LAT2: variants seen among roughly 807,000 people sequenced by gnomAD.
The protein encoded by LAT2 is linker for activation of T cells family member 2.
In LAT2, 23 loss-of-function variants were observed where a neutral mutation model predicts 43.4. That is an observed-to-expected ratio of 0.53 (90% confidence interval 0.38 to 0.75). The LOEUF is 0.75. Ranked by LOEUF, LAT2 falls within the 30% of genes least tolerant of loss-of-function variation. The pLI, the probability that LAT2 is intolerant of heterozygous loss-of-function variation, is 0.00. For missense variants in LAT2, 284 were observed against 310.2 expected, an observed-to-expected ratio of 0.92 and a Z score of 0.64; for synonymous variants, 128 against 123.2, an observed-to-expected ratio of 1.04 and a Z score of -0.26.
chr7:74,217,847 C>T (rs567544038), intron 4 of LAT2, among the ~76,000 whole-genome samples: 72 of 152,340 alleles, frequency 4.7e-4, no homozygotes, highest in African/African-American at 1.6e-3. Flanking sequence ...ACACGCACAC[C>T]CGCACACACA....
Position 74,220,479 on chromosome 7 carries a change from G to T in LAT2, c.266-105G>T. The stretch of plus-strand genomic sequence containing the variant: ...CTGAGGGGACAGGGAGCACTGCAAA[G>T]GCTCAGACACGGGAAATAGCTGGCC... On this transcript the variant is annotated intron_variant, in intron 7 of 13. Transcript: ENST00000460943. The surrounding 1 kb of genome is among the most constrained non-coding windows in gnomAD (Gnocchi z 4.5). 1 of 1,474,444 alleles carries T rather than the reference G, an allele frequency of 6.8e-7. No individual in the cohort carries two copies. The highest frequency in any genetic ancestry group is 9.4e-7 in the Non-Finnish European group (1 of 1,062,816). 91.3% of individuals were successfully genotyped at this position (1,474,444 alleles called of 1,614,324 possible).
At chr7:74,211,225 G>A (rs1200713435) in intron 1 of LAT2, among the ~76,000 whole-genome samples, 1 of 152,304 alleles carries the variant, frequency 6.6e-6, no homozygotes, top group Middle Eastern at 3.4e-3. Flanking sequence ...ACCTGGATGG[G>A]AGAGTGAAAG....
intron 3 of LAT2, among the ~76,000 whole-genome samples, 174 bp from the exon 4 acceptor site, chr7:74,216,651 G>A (rs6949392): frequency 0.029 from 4,408 of 152,238 alleles, 195 homozygotes; most frequent in African/African-American, 0.099. Context: ...TTACAGGAGG[G>A]AGCCACCACA....
At chr7:74,221,101 G>A (rs541528712) in intron 9 of LAT2, among the ~76,000 whole-genome samples, 2 of 152,198 alleles carry the variant, frequency 1.3e-5, no homozygotes, top group African/African-American at 4.8e-5. Context: ...GCAAACGATG[G>A]GGAATGGCCT....
At chr7:74,218,615 C>A (rs1308631494) in intron 4 of LAT2, among the ~76,000 whole-genome samples, 1 of 152,192 alleles carries the variant, frequency 6.6e-6, no homozygotes, top group East Asian at 1.9e-4. Context: ...ATATCAACAA[C>A]CTTGGCTTGA....
intron 1 of LAT2, 54 bp from the exon 2 acceptor site, chr7:74,214,764 CATAT>C (rs1237994792): frequency 8.2e-5 from 5 of 61,210 alleles, no homozygotes; most frequent in South Asian, 6.0e-4. Flanking sequence ...TATATATAAA[CATAT>C]ATATATAAAT....
chr7:74,214,689 T>TATATATATA (rs1801950278), intron 1 of LAT2, 133 bp from the exon 2 acceptor site: 1 of 70,630 alleles, frequency 1.4e-5, no homozygotes, highest in African/African-American at 6.9e-5. Flanking sequence ...TATATGAAAA[T>TATATATATA]AATATATATA....
At chr7:74,215,686 G>A (rs761869289) in intron 2 of LAT2, among the ~76,000 whole-genome samples, 13 of 152,178 alleles carry the variant, frequency 8.5e-5, no homozygotes, top group Non-Finnish European at 1.6e-4. Flanking sequence ...GGCTGTGTGC[G>A]TGCACATGGG....
intron 12 of LAT2, 139 bp downstream of exon 12, chr7:74,224,336 G>A: frequency 2.0e-6 from 2 of 992,092 alleles, no homozygotes; most frequent in Non-Finnish European, 3.0e-6. Flanking sequence ...AGGAGCAGCT[G>A]CAGAGACCTT....
chr7:74,214,806 T>C lies in LAT2; in HGVS notation c.-218-16T>C, dbSNP rs1426148373. 1 of 115,662 alleles carries C rather than the reference T, an allele frequency of 8.6e-6. No individual in the cohort carries two copies. The highest frequency in any genetic ancestry group is 3.4e-5 in the African/African-American group (1 of 28,992). The allele number at this position is 115,662 out of a possible 1,614,324, so 7.2% of individuals were successfully genotyped here. On this transcript the variant is annotated splice_polypyrimidine_tract_variant and intron_variant, in intron 1 of 13. Transcript: ENST00000460943. ...ATATATATATATTTTTTTTTTTTTT[T>C]GTATTTTTTTTGTAGAGATGGAATT...
Position 74,214,360 on chromosome 7 carries a change from A to AT in LAT2, c.-218-462_-218-461insT, listed in dbSNP as rs1801896326. Among the ~76,000 whole-genome samples, 11 of 49,988 alleles carry AT rather than the reference A, an allele frequency of 2.2e-4. 2 individuals are homozygous for AT. Among genetic ancestry groups the AT allele is most frequent in the Non-Finnish European group, 3.9e-4 (10 of 25,716 alleles). The allele number at this position is 49,988 out of a possible 152,430, so 32.8% of individuals were successfully genotyped here. A position where few individuals can be genotyped will look rare whatever the true frequency, so the allele number is the denominator to read the frequency against. On this transcript the variant is annotated intron_variant, in intron 1 of 13. Coordinates refer to ENST00000460943, the MANE Select transcript of LAT2 (RefSeq NM_032464.3). ...TATATATATATGAAAATATATATAT[A>AT]AATATATATATATGAAAATATATAT...
At position 74,223,625 on chromosome 7, in the gene LAT2, G is replaced by C. The variant is rs1257537240; in HGVS notation, c.389-99G>C. ...CCCAGAGGGCTAGGGCTTGGCGGAA[G>C]AGGTCCCCTGCAAAGGGAAGGCAGG... On this transcript the variant is annotated intron_variant, in intron 10 of 13. Transcript: ENST00000460943. 1.2e-5 allele frequency: 14 copies of C among 1,140,330 alleles called. No homozygotes were observed. In the African/African-American group the frequency reaches 2.2e-4, roughly 18 times the overall value. The allele number at this position is 1,140,330 out of a possible 1,614,324, so 70.6% of individuals were successfully genotyped here.
chr7:74,214,117 T>TATATATAAATATATATATGAAA (rs1801850998), intron 1 of LAT2, among the ~76,000 whole-genome samples: 7 of 93,882 alleles, frequency 7.5e-5, no homozygotes, highest in South Asian at 3.0e-4. Flanking sequence ...TATATGAAAA[T>TATATATAAATATATATATGAAA]ATATATATAA....
intron 1 of LAT2, among the ~76,000 whole-genome samples, chr7:74,210,443 C>A (rs540346897): frequency 6.6e-6 from 1 of 152,310 alleles, no homozygotes; most frequent in East Asian, 1.9e-4. Context: ...TAACCCCCTA[C>A]ACAGGTCAGG....
chr7:74,227,748 G>C (rs889618593), intron 13 of LAT2, among the ~76,000 whole-genome samples: 2 of 152,024 alleles, frequency 1.3e-5, no homozygotes, highest in African/African-American at 4.8e-5. Flanking sequence ...TGGCGCATAC[G>C]TGTAGTCCCA....
At chr7:74,214,715 AT>A (rs1801955725) in intron 1 of LAT2, 106 bp from the exon 2 acceptor site, 1 of 107,264 alleles carries the variant, frequency 9.3e-6, no homozygotes, top group African/African-American at 4.1e-5. Context: ...ATATAAATAT[AT>A]ATAAAAATAT....
intron 1 of LAT2, among the ~76,000 whole-genome samples, chr7:74,210,416 T>C (rs1387644560): frequency 6.6e-6 from 1 of 152,120 alleles, no homozygotes; most frequent in Non-Finnish European, 1.5e-5. Flanking sequence ...GGTTTCCTCA[T>C]CCGTGAAATG....
chr7:74,226,611 T>C (rs577420904), intron 13 of LAT2: 261 of 154,228 alleles, frequency 1.7e-3, no homozygotes, highest in Non-Finnish European at 3.2e-3. Flanking sequence ...TGAGCTATGA[T>C]TGTACCACTG....
At chr7:74,219,592 G>C in intron 4 of LAT2, 152 bp from the exon 5 acceptor site, 1 of 929,270 alleles carries the variant, frequency 1.1e-6, no homozygotes, top group East Asian at 2.4e-5. Context: ...CCGTGAGAAT[G>C]AGGCCTGAAA....
Sources: allele counts gnomAD v4.1 joint callset (sites outside exome capture counted in the v4.1 genomes callset), GRCh38; gene constraint gnomAD v4.1.1; non-coding constraint Gnocchi (gnomAD v3.1); transcripts MANE v1.5; gene names NCBI Gene and HGNC (gene_info 2026-07-23, HGNC 2026-07-21).